The following GYS1 variants were observed in gnomAD, a reference collection of about 807,000 sequenced individuals.
The protein encoded by GYS1 is glycogen synthase 1.
Under a neutral mutation model 89.1 loss-of-function variants are expected in GYS1, and 60 were observed. The ratio of observed to expected loss-of-function variants is 0.67; its 90% CI spans 0.55 to 0.84. The LOEUF (loss-of-function observed/expected upper bound fraction) is 0.84. Ranked by LOEUF, GYS1 falls within the 40% of genes least tolerant of loss-of-function variation. The pLI is 0.00. For missense variants in GYS1, 888 were observed against 1,003.1 expected (o/e 0.89, Z 1.55); for synonymous variants, 366 against 401.7 (o/e 0.91, Z 1.06).
At position 48,969,603 on chromosome 19, in the gene GYS1, C is replaced by A. The variant is rs1555797705; in HGVS notation, c.1899G>T (p.Gly633=). 1.9e-6 allele frequency: 3 copies of A among 1,539,646 alleles called. No individual in the cohort carries two copies. Among genetic ancestry groups the A allele is most frequent in the Non-Finnish European group, 8.7e-7 (1 of 1,147,888 alleles). Residue 633 remains glycine (G), a synonymous_variant, in exon 16 of 16, where the codon GGG becomes GGT. Coordinates refer to ENST00000323798, the MANE Select transcript of GYS1 (RefSeq NM_002103.5). ...CCGAGGCTGGCCGTGGGTAGCGGTA[C>A]CCCTGGGCCTGCATACGGCGATGTG... is the stretch of plus-strand genomic sequence containing the variant. ...YEPNEADAAQ[G]YRYPRPASVP...
rs2038920187 is a variant in GYS1, at chr19:48,991,245, C to T, written c.300+57G>A. On this transcript the variant is annotated intron_variant, in intron 2 of 15. Coordinates refer to ENST00000323798, the MANE Select transcript of GYS1 (RefSeq NM_002103.5). This position sits in a 1 kb window ranked among gnomAD's most constrained non-coding sequence, Gnocchi z 4.7. ...CCCTGCACCCTCTCCGTCTGTGGCT[C>T]CCACCCCGATGGCAGGCTGTCCACC... 6.3e-7 allele frequency: 1 copy of T among 1,575,158 alleles called. No homozygotes were observed. The highest frequency in any genetic ancestry group is 8.7e-7 in the Non-Finnish European group (1 of 1,149,600).
rs1269421225 is a variant in GYS1, at chr19:48,968,733, C to G, written c.*555G>C. 6.6e-6 allele frequency: 3 copies of G among 454,164 alleles called. No individual in the cohort carries two copies. Among genetic ancestry groups the G allele is most frequent in the Non-Finnish European group, 8.8e-6 (2 of 226,808 alleles). The allele number at this position is 454,164 out of a possible 1,614,324, so 28.1% of individuals were successfully genotyped here. The stretch of plus-strand genomic sequence containing the variant: ...TCTGACATGCCAGGGAGGGCTAGAA[C>G]ATCCCTCCCAGAGCCCCACTTCTGG... On this transcript the variant is annotated 3_prime_UTR_variant, in exon 16 of 16. Transcript: ENST00000323798.
At chr19:48,985,079 G>A (rs1204375404) in intron 5 of GYS1, among the ~76,000 whole-genome samples, 1 of 152,040 alleles carries the variant, frequency 6.6e-6, no homozygotes, top group East Asian at 1.9e-4. Flanking sequence ...GGCTGTGACA[G>A]GGTCTCTCCA....
At chr19:48,985,011 T>C (rs560942735) in intron 5 of GYS1, among the ~76,000 whole-genome samples, 58 of 152,218 alleles carry the variant, frequency 3.8e-4, no homozygotes, top group African/African-American at 1.3e-3. Context: ...GTTCAGTAGG[T>C]TAGGTGTATT....
intron 14 of GYS1, chr19:48,970,264 A>G: frequency 1.1e-5 from 5 of 471,836 alleles, no homozygotes; most frequent in Non-Finnish European, 1.9e-5. Context: ...AGCTGGGACT[A>G]CAGGCACGCA....
Position 48,974,222 on chromosome 19 carries a change from A to C in GYS1, c.1540T>G (p.Tyr514Asp). 1 of 1,605,234 alleles carries C rather than the reference A, an allele frequency of 6.2e-7. No homozygotes were observed. Among genetic ancestry groups the C allele is most frequent in the East Asian group, 2.2e-5 (1 of 44,666 alleles). ...VFPSYYEPWG[Y>D]TPAECTVMGI... ...TGCCCACTACACTCACCCGGTGTGT[A>C]GCCCCAAGGCTCATAGTAGGAGGGG... The change falls in exon 12 of 16, where the codon TAC (tyrosine) becomes GAC (aspartate). Residue 514 changes from tyrosine (Y) to aspartate (D), a missense_variant. Physicochemically the swap from Tyr to Asp is radical, Grantham distance 160. Transcript: ENST00000323798.
intron 10 of GYS1, among the ~76,000 whole-genome samples, chr19:48,975,458 A>G (rs527596651): frequency 5.3e-5 from 8 of 151,652 alleles, no homozygotes; most frequent in Non-Finnish European, 8.8e-5. Context: ...CGTGTTAGCA[A>G]CTCCCTTACC....
Position 48,968,550 on chromosome 19 carries a change from T to C in GYS1, c.*738A>G. The C allele has an allele frequency of 2.2e-6, 1 of 454,556 alleles. No homozygotes were observed. The highest frequency in any genetic ancestry group is 4.4e-6 in the Non-Finnish European group (1 of 226,792). 28.2% of individuals were successfully genotyped at this position (454,556 alleles called of 1,614,324 possible). A position where few individuals can be genotyped will look rare whatever the true frequency, so the allele number is the denominator to read the frequency against. ...AGATTTAGAAAGGAAGAGTAGGATC[T>C]GGTCCAGAAAGGGCCAGAAAGACAG... On this transcript the variant is annotated 3_prime_UTR_variant, in exon 16 of 16. Transcript: ENST00000323798.
At chr19:48,972,579 A>G (rs569274174) in intron 12 of GYS1, among the ~76,000 whole-genome samples, 1 of 152,120 alleles carries the variant, frequency 6.6e-6, no homozygotes, top group South Asian at 2.1e-4. Flanking sequence ...CTGGGGTTCA[A>G]ACGATTCTCC....
At chr19:48,970,495 A>AGCCAGGAGCTGCTGATTT (rs1307350272) in intron 14 of GYS1, 51 bp downstream of exon 14, 9 of 1,517,716 alleles carry the variant, frequency 5.9e-6, no homozygotes, top group Non-Finnish European at 6.4e-6. Context: ...AAAGACCCCT[A>AGCCAGGAGCTGCTGATTT]GCCAGGAGCT....
At chr19:48,974,135 G>A (rs970712030) in intron 12 of GYS1, 78 bp downstream of exon 12, 2 of 1,452,056 alleles carry the variant, frequency 1.4e-6, no homozygotes, top group Admixed American at 2.0e-5. Context: ...GCTCAGAGAA[G>A]GCCAGTGCCT....
chr19:48,980,659 C>CA (rs35768030), intron 8 of GYS1, among the ~76,000 whole-genome samples: 38,817 of 142,204 alleles, frequency 0.27, 5,324 homozygotes, highest in Non-Finnish European at 0.33. Flanking sequence ...GACTCTGTTT[C>CA]AAAAAAAAAA....
At position 48,991,128 on chromosome 19, in the gene GYS1, C is replaced by T. The variant is rs548661686; in HGVS notation, c.300+174G>A. Among the ~76,000 whole-genome samples the T allele has an allele frequency of 6.6e-6, 1 of 152,344 alleles. No individual in the cohort carries two copies. Among genetic ancestry groups the T allele is most frequent in the Admixed American group, 6.5e-5 (1 of 15,292 alleles). On this transcript the variant is annotated intron_variant, in intron 2 of 15. Coordinates refer to ENST00000323798, the MANE Select transcript of GYS1 (RefSeq NM_002103.5). The surrounding 1 kb of genome is among the most constrained non-coding windows in gnomAD (Gnocchi z 4.7). ...CATTCGCCCATGTCTGGGATCCACCCACCCACTTCCAGGCCCTGCATCTGT... is the reference window on the plus strand; with the variant it reads ...CATTCGCCCATGTCTGGGATCCACCTACCCACTTCCAGGCCCTGCATCTGT...
chr19:48,990,713 G>C (rs1395295835), intron 2 of GYS1, among the ~76,000 whole-genome samples: 1 of 152,216 alleles, frequency 6.6e-6, no homozygotes, highest in Non-Finnish European at 1.5e-5. Flanking sequence ...CAGGCAGCAA[G>C]TGGAGGGTGA....
intron 2 of GYS1, 86 bp from the exon 3 acceptor site, chr19:48,987,471 G>T: frequency 9.5e-7 from 1 of 1,047,604 alleles, no homozygotes; most frequent in Non-Finnish European, 1.4e-6. Context: ...CCATTTGCAG[G>T]CAGATGTCTA....
intron 2 of GYS1, among the ~76,000 whole-genome samples, chr19:48,989,064 C>A (rs1040617643): frequency 6.6e-6 from 1 of 151,808 alleles, no homozygotes; most frequent in African/African-American, 2.4e-5. Context: ...TCCTTCCTTC[C>A]TTCCCTCTCT....
chr19:48,984,944 G>T (rs968639345), intron 5 of GYS1, among the ~76,000 whole-genome samples: 6 of 151,924 alleles, frequency 3.9e-5, no homozygotes, highest in Admixed American at 1.3e-4. Flanking sequence ...TTGCCCAGTC[G>T]TAGGCTAACA....
intron 10 of GYS1, among the ~76,000 whole-genome samples, chr19:48,976,593 T>C (rs2122486066): frequency 6.6e-6 from 1 of 152,260 alleles, no homozygotes; most frequent in South Asian, 2.1e-4. Context: ...TTCTGGAGAA[T>C]GCTGGGTGCT....
In GYS1 at chr19:48,974,342, G is replaced by A. The variant is rs772231727; in HGVS notation, c.1423-3C>T. 6.2e-6 allele frequency: 10 copies of A among 1,613,882 alleles called. No homozygotes were observed. The highest frequency in any genetic ancestry group is 8.5e-6 in the Non-Finnish European group (10 of 1,179,876). On this transcript the variant is annotated splice_polypyrimidine_tract_variant and splice_region_variant and intron_variant, in intron 11 of 15. Transcript: ENST00000323798. Reference sequence around the variant, plus strand: ...AGGAACTCCGGGTGGAAAATCACCTGGTAGTGAAAAAGAAGGACTCAGCCC... The same window carrying A: ...AGGAACTCCGGGTGGAAAATCACCTAGTAGTGAAAAAGAAGGACTCAGCCC...
Sources: gnomAD v4.1 joint callset for allele counts (sites outside exome capture counted in the v4.1 genomes callset) on GRCh38, gnomAD v4.1.1 for gene constraint, Gnocchi (gnomAD v3.1) non-coding constraint, MANE v1.5 for transcripts, NCBI Gene and HGNC (gene_info 2026-07-23, HGNC 2026-07-21) for gene names.